The following IGSF9B variants were observed in gnomAD, a reference collection of about 807,000 sequenced individuals.
The protein encoded by IGSF9B is protein turtle homolog B.
Under a neutral mutation model 143.7 loss-of-function variants are expected in IGSF9B, and 48 were observed. That is an observed-to-expected ratio of 0.33 (90% CI 0.26 to 0.42). IGSF9B has a LOEUF of 0.42. Among genes scored for constraint, IGSF9B ranks in the 20% least tolerant of loss-of-function variants. The pLI, the probability that IGSF9B is intolerant of heterozygous loss-of-function variation, is 1.00. For missense variants in IGSF9B, 1,706 were observed against 1,980.0 expected (o/e 0.86, Z 2.63); for synonymous variants, 903 against 833.1 (o/e 1.08, Z -1.44).
intron 18 of IGSF9B, among the ~76,000 whole-genome samples, chr11:133,915,459 T>C (rs1373671744): frequency 6.6e-6 from 1 of 151,872 alleles, no homozygotes; most frequent in Non-Finnish European, 1.5e-5. Context: ...TTTGCAGAGA[T>C]GGGGCTTCAC....
chr11:133,952,857 T>A (rs1215455158), intron 1 of IGSF9B, among the ~76,000 whole-genome samples: 1 of 152,134 alleles, frequency 6.6e-6, no homozygotes, highest in Non-Finnish European at 1.5e-5. Context: ...TGCAGCTCTT[T>A]GACCATTCAG....
rs377731311 is a variant in IGSF9B at position 133,931,842 on chromosome 11, G to T, written c.1111-47C>A. ...GCAGGGAACGCTGGTCAGAGACTCC[G>T]CGCTCCATCCCAGGCTGGGTCCCAG... On this transcript the variant is annotated intron_variant, in intron 8 of 19. Coordinates refer to ENST00000533871, the MANE Select transcript of IGSF9B (RefSeq NM_001277285.4). The surrounding 1 kb of genome is among the most constrained non-coding windows in gnomAD (Gnocchi z 7.7). 1.3e-6 allele frequency: 2 copies of T among 1,599,952 alleles called. No homozygotes were observed. The highest frequency in any genetic ancestry group is 1.7e-6 in the Non-Finnish European group (2 of 1,175,314).
At chr11:133,925,703 T>A in intron 14 of IGSF9B, 36 bp downstream of exon 14, 2 of 1,568,698 alleles carry the variant, frequency 1.3e-6, no homozygotes, top group Non-Finnish European at 1.7e-6. Flanking sequence ...CTTCCCGGAT[T>A]TGGGAAGCAG....
At position 133,907,211 on chromosome 11, in the gene IGSF9B, G is replaced by C. The variant is rs942068576; in HGVS notation, c.*1858C>G. Among the ~76,000 whole-genome samples the C allele has an allele frequency of 5.9e-5, 9 of 152,202 alleles. No homozygotes were observed. Among genetic ancestry groups the C allele is most frequent in the African/African-American group, 2.2e-4 (9 of 41,462 alleles). ...GTTACTTGCACGGTAAACCTCAAGG[G>C]TGGAGCTGGTCCTCAGCTCCCTGGG... On this transcript the variant is annotated 3_prime_UTR_variant, in exon 20 of 20. Coordinates refer to ENST00000533871, the MANE Select transcript of IGSF9B (RefSeq NM_001277285.4).
Position 133,905,603 on chromosome 11 carries a change from A to G in IGSF9B, c.*3466T>C, listed in dbSNP as rs1393585307. 1.3e-5 allele frequency among the ~76,000 whole-genome samples: 2 copies of G among 152,232 alleles called. No homozygotes were observed. The highest frequency in any genetic ancestry group is 4.8e-5 in the African/African-American group (2 of 41,466). ...TCCACCCGGCTTCAGTCTTCCCCCA[A>G]GCGCATGGTTGTGGGACTAAGCACC... On this transcript the variant is annotated 3_prime_UTR_variant, in exon 20 of 20. Coordinates refer to ENST00000533871, the MANE Select transcript of IGSF9B (RefSeq NM_001277285.4). The surrounding 1 kb of genome is among the most constrained non-coding windows in gnomAD (Gnocchi z 4.0).
At position 133,931,381 on chromosome 11, in the gene IGSF9B, C is replaced by T. The variant is rs1939726023; in HGVS notation, c.1368+72G>A. 40 of 1,169,588 alleles carry T rather than the reference C, an allele frequency of 3.4e-5. No homozygotes were observed. The South Asian group carries it at 5.2e-4, about 15-fold the overall frequency. The allele number at this position is 1,169,588 out of a possible 1,614,324, so 72.5% of individuals were successfully genotyped here. On this transcript the variant is annotated intron_variant, in intron 10 of 19. Transcript: ENST00000533871. The surrounding 1 kb of genome is among the most constrained non-coding windows in gnomAD (Gnocchi z 7.7). ...CCCCGGGGCTCGCTGGGCCCTCAAA[C>T]CTCCCCGCAGCCCCAGGGCTCCCTG...
chr11:133,942,986 G>A (rs912250359), intron 3 of IGSF9B, among the ~76,000 whole-genome samples: 33 of 152,210 alleles, frequency 2.2e-4, no homozygotes, highest in African/African-American at 7.7e-4. Flanking sequence ...AACATATTCC[G>A]TTCTTCCAGG....
intron 18 of IGSF9B, among the ~76,000 whole-genome samples, chr11:133,917,129 T>G (rs1455484478): frequency 1.3e-5 from 2 of 152,184 alleles, no homozygotes; most frequent in African/African-American, 2.4e-5. Context: ...TGTCTCCTTC[T>G]CGCCTGGAAA....
intron 17 of IGSF9B, 127 bp from the exon 18 acceptor site, chr11:133,921,524 C>T (rs1346573096): frequency 7.3e-6 from 5 of 687,750 alleles, no homozygotes; most frequent in African/African-American, 1.8e-5. Context: ...GGCTGTGTAT[C>T]GTGGTGTGAA....
intron 1 of IGSF9B, chr11:133,952,291 T>G (rs184328276): frequency 1.4e-4 from 43 of 297,894 alleles, no homozygotes; most frequent in Non-Finnish European, 2.4e-4. Flanking sequence ...TCCTCTGGAG[T>G]GAGCAACTGA....
At position 133,901,956 on chromosome 11, in the gene IGSF9B, ATG is replaced by A. The variant is rs1939134718; in HGVS notation, c.*7111_*7112del. Among the ~76,000 whole-genome samples, 1 of 122,360 alleles carries A rather than the reference ATG, an allele frequency of 8.2e-6. No homozygotes were observed. The highest frequency in any genetic ancestry group is 3.5e-5 in the African/African-American group (1 of 28,694). 80.3% of individuals were successfully genotyped at this position (122,360 alleles called of 152,430 possible). The stretch of plus-strand genomic sequence containing the variant: ...CACAACACACACACACATCACACAC[ATG>A]CACACCGCATCACACACATGCACAC... On this transcript the variant is annotated 3_prime_UTR_variant, in exon 20 of 20. Transcript: ENST00000533871.
In IGSF9B at chr11:133,937,904, C is replaced by A. The variant is rs1224577107; in HGVS notation, c.467G>T (p.Ser156Ile). The change falls in exon 4 of 20, where the codon AGT (serine) becomes ATT (isoleucine). Residue 156 changes from serine (S) to isoleucine (I), a missense_variant. Ser to Ile is a moderately radical substitution (Grantham distance 142). Around this residue, in one of 7 missense-constraint regions of IGSF9B, gnomAD observed 171 missense variants for 213.9 expected, o/e 0.80. Transcript: ENST00000533871. Reference sequence around the variant, plus strand: ...AAAAGCTGTGCAGGTCATGGTGATACTACCACCCTCCTTGGCCTCGATGTA... The same window carrying A: ...AAAAGCTGTGCAGGTCATGGTGATAATACCACCCTCCTTGGCCTCGATGTA... Reference protein sequence around the residue: ...PQYIEAKEGGSITMTCTAFGN... With the variant: ...PQYIEAKEGGIITMTCTAFGN... The A allele has an allele frequency of 1.2e-6, 2 of 1,612,666 alleles. No homozygotes were observed. The highest frequency in any genetic ancestry group is 8.5e-7 in the Non-Finnish European group (1 of 1,179,392).
In IGSF9B at chr11:133,920,772, C is replaced by T. The variant is rs374101848; in HGVS notation, c.2953G>A (p.Val985Met). The change falls in exon 18 of 20, where the codon GTG becomes ATG. Residue 985 changes from valine (V) to methionine (M), a missense_variant. Coordinates refer to ENST00000533871, the MANE Select transcript of IGSF9B (RefSeq NM_001277285.4). ...CTCAGGGGGCTGCCCACTTCTGGCA[C>T]GTAGAACGGGGGCGGCTCCACCTCC... ...PGEVEPPPFY[V>M]PEVGSPLSSV... The T allele has an allele frequency of 1.2e-5, 19 of 1,611,472 alleles. No individual in the cohort carries two copies. Among genetic ancestry groups the T allele is most frequent in the African/African-American group, 2.7e-5 (2 of 74,854 alleles).
intron 18 of IGSF9B, chr11:133,919,130 G>GGT: frequency 2.7e-6 from 1 of 374,932 alleles, no homozygotes; most frequent in Non-Finnish European, 5.3e-6. Flanking sequence ...GGGGGGGGGT[G>GGT]GGGGACGTGT....
At chr11:133,925,631 G>A in intron 14 of IGSF9B, 108 bp downstream of exon 14, 1 of 779,370 alleles carries the variant, frequency 1.3e-6, no homozygotes, top group Non-Finnish European at 2.1e-6. Context: ...TACAGGATGT[G>A]GCTGGCCTCA....
At chr11:133,910,495 A>G (rs957623811) in intron 19 of IGSF9B, among the ~76,000 whole-genome samples, 1 of 152,226 alleles carries the variant, frequency 6.6e-6, no homozygotes, top group African/African-American at 2.4e-5. Context: ...GCAAGGGAAG[A>G]ATCTGGGAAT....
chr11:133,931,433 G>A lies in IGSF9B; in HGVS notation c.1368+20C>T. ...GCCCTCACACCTCCCTGCAGACCCA[G>A]GGCTCCAGGGCCCAGGTACCTTTCT... On this transcript the variant is annotated intron_variant, in intron 10 of 19. Transcript: ENST00000533871. This position sits in a 1 kb window ranked among gnomAD's most constrained non-coding sequence, Gnocchi z 7.7. 1 of 1,572,126 alleles carries A rather than the reference G, an allele frequency of 6.4e-7. No homozygotes were observed. The highest frequency in any genetic ancestry group is 1.4e-5 in the African/African-American group (1 of 74,022).
chr11:133,924,793 T>C, intron 15 of IGSF9B, 27 bp downstream of exon 15: 1 of 1,595,592 alleles, frequency 6.3e-7, no homozygotes, highest in Non-Finnish European at 8.6e-7. Context: ...TCCCTATAGT[T>C]GCAAGAGCAC....
chr11:133,946,399 C>CTCCT, intron 1 of IGSF9B, 141 bp from the exon 2 acceptor site: 1 of 679,468 alleles, frequency 1.5e-6, no homozygotes, highest in Non-Finnish European at 2.5e-6. Flanking sequence ...AGGAGGGTCC[C>CTCCT]AGGCACACCC....
Sources: gnomAD v4.1 joint callset for allele counts (sites outside exome capture counted in the v4.1 genomes callset) on GRCh38, gnomAD v4.1.1 for gene constraint, gnomAD v4.1.1 regional missense constraint, Gnocchi (gnomAD v3.1) non-coding constraint, MANE v1.5 for transcripts, NCBI Gene and HGNC (gene_info 2026-07-23, HGNC 2026-07-21) for gene names.